Variants in TDRD3 observed in about 807,000 individuals in gnomAD.
The protein encoded by TDRD3 is tudor domain-containing protein 3.
TDRD3 carries 45 observed loss-of-function variants against 86.7 expected under a neutral mutation model. The observed-to-expected ratio is 0.52, with a 90% confidence interval of 0.41 to 0.67. The LOEUF is 0.67. TDRD3 is among the 30% of genes least tolerant of loss of function. The pLI, the probability that TDRD3 is intolerant of heterozygous loss-of-function variation, is 0.00. For missense variants in TDRD3, 814 were observed against 889.0 expected (o/e 0.92, Z 1.07); for synonymous variants, 298 against 301.7 (o/e 0.99, Z 0.13).
At chr13:60,531,449 T>A (rs1957580703) in intron 11 of TDRD3, among the ~76,000 whole-genome samples, 1 of 152,208 alleles carries the variant, frequency 6.6e-6, no homozygotes, top group Non-Finnish European at 1.5e-5. Flanking sequence ...AGTCACTGTA[T>A]CTGATGCTCC....
At chr13:60,419,368 G>A (rs577627828) in intron 1 of TDRD3, among the ~76,000 whole-genome samples, 23 of 152,190 alleles carry the variant, frequency 1.5e-4, no homozygotes, top group South Asian at 8.3e-4. Flanking sequence ...TCTTTTGTCC[G>A]TTAAGAATTT....
chr13:60,485,618 G>A (rs1001856327), intron 6 of TDRD3, among the ~76,000 whole-genome samples, 181 bp from the exon 7 acceptor site: 18 of 151,910 alleles, frequency 1.2e-4, no homozygotes, highest in African/African-American at 4.1e-4. Flanking sequence ...TACGTTTATT[G>A]AAAAGTTACT....
At chr13:60,435,772 T>C (rs1205359522) in intron 1 of TDRD3, among the ~76,000 whole-genome samples, 1 of 152,212 alleles carries the variant, frequency 6.6e-6, no homozygotes, top group African/African-American at 2.4e-5. Context: ...TCTTTTCCTT[T>C]GGGTAGATAC....
chr13:60,522,235 G>GT (rs1328918045), intron 10 of TDRD3, among the ~76,000 whole-genome samples: 1 of 152,012 alleles, frequency 6.6e-6, no homozygotes, highest in African/African-American at 2.4e-5. Context: ...GAATAAAGAA[G>GT]TTTTTATTAA....
chr13:60,437,506 T>C (rs1308607013), intron 1 of TDRD3, among the ~76,000 whole-genome samples: 1 of 152,038 alleles, frequency 6.6e-6, no homozygotes, highest in Non-Finnish European at 1.5e-5. Flanking sequence ...ATCTTCTAAA[T>C]TTGTATTTTT....
intron 7 of TDRD3, among the ~76,000 whole-genome samples, chr13:60,491,280 T>C (rs1357303205): frequency 6.6e-6 from 1 of 152,130 alleles, no homozygotes; most frequent in Non-Finnish European, 1.5e-5. Flanking sequence ...GAGGTACTTA[T>C]CAGACATGCA....
chr13:60,488,647 C>T (rs1595008290), intron 7 of TDRD3, among the ~76,000 whole-genome samples: 1 of 151,986 alleles, frequency 6.6e-6, no homozygotes, highest in Non-Finnish European at 1.5e-5. Context: ...GATCTTGGCT[C>T]ACTGTAACCT....
chr13:60,568,821 G>A (rs886281307), intron 13 of TDRD3, among the ~76,000 whole-genome samples: 5 of 152,224 alleles, frequency 3.3e-5, no homozygotes, highest in African/African-American at 1.2e-4. Flanking sequence ...GTTTGCAGAG[G>A]ATATGATCTT....
chr13:60,420,796 T>C (rs1323266839), intron 1 of TDRD3, among the ~76,000 whole-genome samples: 1 of 151,864 alleles, frequency 6.6e-6, no homozygotes, highest in African/African-American at 2.4e-5. Context: ...CAAAAAAAAT[T>C]AGCCGGGCGT....
chr13:60,547,290 G>A (rs1957959785), intron 12 of TDRD3: 1 of 985,264 alleles, frequency 1.0e-6, no homozygotes. Context: ...AAAGGATTTG[G>A]TGAAAAGGGA....
At chr13:60,527,840 T>G (rs1226320796) in intron 10 of TDRD3, among the ~76,000 whole-genome samples, 1 of 151,894 alleles carries the variant, frequency 6.6e-6, no homozygotes, top group Non-Finnish European at 1.5e-5. Flanking sequence ...TAAACTCTTT[T>G]TTATAGTAGG....
At position 60,527,720 on chromosome 13, in the gene TDRD3, T is replaced by C. The variant is rs982923464; in HGVS notation, c.1142-647T>C. Among the ~76,000 whole-genome samples, 9 of 152,214 alleles carry C rather than the reference T, an allele frequency of 5.9e-5. No individual in the cohort carries two copies. In the East Asian group the frequency reaches 1.7e-3, roughly 29 times the overall value. ...AGTAATGTTTCTGACACTTTTTCGG[T>C]ATTTCCACTTTTGACACTTTTCTGT... On this transcript the variant is annotated intron_variant, in intron 10 of 13. Transcript: ENST00000377881.
intron 2 of TDRD3, among the ~76,000 whole-genome samples, chr13:60,442,715 C>T (rs927948452): frequency 1.3e-5 from 2 of 152,062 alleles, no homozygotes; most frequent in East Asian, 1.9e-4. Context: ...AAACTTTGAG[C>T]GTGTAGTCTT....
intron 1 of TDRD3, among the ~76,000 whole-genome samples, chr13:60,419,951 T>C (rs1263088836): frequency 6.6e-6 from 1 of 152,116 alleles, no homozygotes; most frequent in Non-Finnish European, 1.5e-5. Flanking sequence ...AGTAAAAATA[T>C]TTCATATTAG....
At chr13:60,558,514 T>G (rs1247938623) in intron 12 of TDRD3, among the ~76,000 whole-genome samples, 1 of 152,212 alleles carries the variant, frequency 6.6e-6, no homozygotes, top group African/African-American at 2.4e-5. Flanking sequence ...TTTTTCATTA[T>G]TAATCATAAT....
chr13:60,488,350 G>A (rs565684564), intron 7 of TDRD3, among the ~76,000 whole-genome samples: 6 of 152,244 alleles, frequency 3.9e-5, no homozygotes, highest in Admixed American at 2.0e-4. Context: ...GTCATTTCCT[G>A]AGGAAAGAAC....
At chr13:60,433,648 A>G (rs1205155105) in intron 1 of TDRD3, among the ~76,000 whole-genome samples, 1 of 152,234 alleles carries the variant, frequency 6.6e-6, no homozygotes, top group Non-Finnish European at 1.5e-5. Flanking sequence ...AATAAGTACA[A>G]AGTACATGTA....
intron 5 of TDRD3, among the ~76,000 whole-genome samples, chr13:60,475,488 T>G (rs1956165359): frequency 6.6e-6 from 1 of 152,220 alleles, no homozygotes; most frequent in Admixed American, 6.5e-5. Context: ...CTTTATCCAG[T>G]TCTGTGTCGA....
At position 60,532,330 on chromosome 13, in the gene TDRD3, C is replaced by G. The variant is rs548113246; in HGVS notation, c.1993-2778C>G. ...TTGATTCAGATTAGATGTGTACTTT[C>G]AGTTGTAGTGAGGAACTGTGGACTC... On this transcript the variant is annotated intron_variant, in intron 11 of 13. Coordinates refer to ENST00000377881, the MANE Select transcript of TDRD3 (RefSeq NM_001146070.2). Among the ~76,000 whole-genome samples the G allele has an allele frequency of 2.6e-5, 4 of 152,230 alleles. No individual in the cohort carries two copies. In the South Asian group the frequency reaches 6.2e-4, roughly 24 times the overall value.
Sources: gnomAD v4.1 joint callset for allele counts (sites outside exome capture counted in the v4.1 genomes callset) on GRCh38, gnomAD v4.1.1 for gene constraint, MANE v1.5 for transcripts, NCBI Gene and HGNC (gene_info 2026-07-23, HGNC 2026-07-21) for gene names.